The following BCO1 variants were observed in gnomAD, a reference collection of about 807,000 sequenced individuals.
BCO1 encodes the protein beta-carotene oxygenase 1, also known as beta,beta-carotene 15,15'-dioxygenase.
BCO1 carries 54 observed loss-of-function variants against 56.3 expected under a neutral mutation model. The ratio of observed to expected loss-of-function variants is 0.96; its 90% confidence interval spans 0.77 to 1.20. BCO1 has a LOEUF of 1.20. Ranked by LOEUF, BCO1 falls within the 50% of genes most tolerant of loss-of-function variation. The probability of loss-of-function intolerance (pLI) is 0.00; values close to 1 mark genes in which losing one functional copy is unlikely to be tolerated. For missense variants in BCO1, 801 were observed against 690.9 expected, an observed-to-expected ratio of 1.16 and a Z score of -1.79; for synonymous variants, 318 against 266.1, an observed-to-expected ratio of 1.20 and a Z score of -1.90.
At chr16:81,257,846 C>T (rs1273961183) in intron 2 of BCO1, among the ~76,000 whole-genome samples, 8 of 149,242 alleles carry the variant, frequency 5.4e-5, no homozygotes, top group Non-Finnish European at 1.5e-5. Flanking sequence ...CACCATTGCA[C>T]TCCAGCCTGG....
chr16:81,267,791 T>G (rs1327982011), intron 5 of BCO1, 117 bp from the exon 6 acceptor site: 1 of 837,298 alleles, frequency 1.2e-6, no homozygotes, highest in East Asian at 2.6e-5. Flanking sequence ...TACACGTTGC[T>G]GTTTAATGTA....
intron 1 of BCO1, among the ~76,000 whole-genome samples, chr16:81,240,505 A>C (rs1174173415): frequency 6.6e-6 from 1 of 152,126 alleles, no homozygotes; most frequent in Non-Finnish European, 1.5e-5. Flanking sequence ...CAGGAGTTTG[A>C]GACCAGCCTG....
At chr16:81,290,223 A>G in intron 10 of BCO1, 125 bp from the exon 11 acceptor site, 43 of 778,402 alleles carry the variant, frequency 5.5e-5, no homozygotes, top group Non-Finnish European at 7.2e-5. Context: ...AGTGTCTCAA[A>G]TTCACTCCCT....
At chr16:81,274,655 A>T (rs561891080) in intron 7 of BCO1, among the ~76,000 whole-genome samples, 1 of 152,264 alleles carries the variant, frequency 6.6e-6, no homozygotes, top group East Asian at 1.9e-4. Flanking sequence ...CAGGCAGGTG[A>T]TCACCTGAGG....
At chr16:81,249,261 T>A (rs1905633733) in intron 2 of BCO1, among the ~76,000 whole-genome samples, 1 of 151,648 alleles carries the variant, frequency 6.6e-6, no homozygotes. Flanking sequence ...TGGCTAGTTT[T>A]TTTTTCTTTT....
chr16:81,259,661 G>C lies in BCO1; in HGVS notation c.194-15G>C, dbSNP rs1164513355. On this transcript the variant is annotated splice_polypyrimidine_tract_variant and intron_variant, in intron 2 of 10. Coordinates refer to ENST00000258168, the MANE Select transcript of BCO1 (RefSeq NM_017429.3). ...AAGGCGTCAGCCTGAGATTATGCTG[G>C]TTCTTCTCTTGCAGGTGAAGTCTAT... is the stretch of plus-strand genomic sequence containing the variant. 1 of 1,614,206 alleles carries C rather than the reference G, an allele frequency of 6.2e-7. No homozygotes were observed. The highest frequency in any genetic ancestry group is 8.5e-7 in the Non-Finnish European group (1 of 1,180,030).
intron 4 of BCO1, 79 bp from the exon 5 acceptor site, chr16:81,264,561 T>C: frequency 5.1e-6 from 8 of 1,555,366 alleles, no homozygotes; most frequent in Non-Finnish European, 7.1e-6. Flanking sequence ...CTTTCTCCTT[T>C]GAAAAACCAG....
At chr16:81,259,631 C>A (rs773901916) in intron 2 of BCO1, 45 bp from the exon 3 acceptor site, 12 of 1,613,890 alleles carry the variant, frequency 7.4e-6, no homozygotes, top group Non-Finnish European at 1.0e-5. Context: ...TTTTAAAGCC[C>A]TGTGAAGGCG....
intron 7 of BCO1, among the ~76,000 whole-genome samples, chr16:81,280,322 C>T (rs7500497): frequency 0.027 from 562 of 20,602 alleles, 9 homozygotes; most frequent in African/African-American, 0.038. Flanking sequence ...CACACACACA[C>T]AGACACACAC....
chr16:81,284,710 C>A (rs888913757), intron 8 of BCO1, among the ~76,000 whole-genome samples: 9 of 152,156 alleles, frequency 5.9e-5, no homozygotes, highest in African/African-American at 1.9e-4. Context: ...GTCTCAAACT[C>A]CTGGCCTCAA....
chr16:81,244,625 G>A (rs1218654003), intron 1 of BCO1, among the ~76,000 whole-genome samples: 5 of 151,848 alleles, frequency 3.3e-5, no homozygotes, highest in Admixed American at 2.0e-4. Context: ...GCCTCCTCTA[G>A]GAAGCTGACC....
intron 8 of BCO1, 61 bp downstream of exon 8, chr16:81,281,023 A>G: frequency 8.2e-7 from 1 of 1,225,558 alleles, no homozygotes; most frequent in Non-Finnish European, 1.2e-6. Flanking sequence ...GGGAGCCCAG[A>G]GGCCTCTTTA....
chr16:81,284,048 C>T lies in BCO1; in HGVS notation c.1208-1492C>T, dbSNP rs1908027427. ...AAAATACAAAAAAAAAAAAAAGTAG[C>T]CGGATGTGGTGGCACGCACCTGTAG... On this transcript the variant is annotated intron_variant, in intron 8 of 10. Transcript: ENST00000258168. Among the ~76,000 whole-genome samples the T allele has an allele frequency of 2.0e-5, 3 of 150,772 alleles. No homozygotes were observed. The Admixed American group carries it at 2.0e-4, about 10-fold the overall frequency.
At chr16:81,268,649 G>C (rs1038701340) in intron 6 of BCO1, among the ~76,000 whole-genome samples, 1 of 152,180 alleles carries the variant, frequency 6.6e-6, no homozygotes, top group Non-Finnish European at 1.5e-5. Context: ...TTGCATGCTT[G>C]TATATGCACA....
intron 1 of BCO1, among the ~76,000 whole-genome samples, chr16:81,239,729 G>A (rs966037422): frequency 6.6e-6 from 1 of 152,196 alleles, no homozygotes; most frequent in African/African-American, 2.4e-5. Flanking sequence ...TCACAGGTGT[G>A]AGCTCCTGCA....
chr16:81,289,976 G>C (rs1908373499), intron 10 of BCO1, among the ~76,000 whole-genome samples: 1 of 152,168 alleles, frequency 6.6e-6, no homozygotes, highest in Non-Finnish European at 1.5e-5. Flanking sequence ...TAATTCTCTG[G>C]CTTCAGTCTA....
At chr16:81,252,693 C>T (rs377583756) in intron 2 of BCO1, among the ~76,000 whole-genome samples, 1 of 152,190 alleles carries the variant, frequency 6.6e-6, no homozygotes. Context: ...TTAAGTGGGC[C>T]TCTGTCTCCA....
chr16:81,270,693 T>TGTGC (rs1907148457), intron 7 of BCO1, among the ~76,000 whole-genome samples: 1 of 480 alleles, frequency 2.1e-3, no homozygotes, highest in Admixed American at 0.018. Context: ...TCTCTGTGTC[T>TGTGC]GTGTGTGTGT....
At chr16:81,259,455 T>C (rs1480462285) in intron 2 of BCO1, among the ~76,000 whole-genome samples, 2 of 152,106 alleles carry the variant, frequency 1.3e-5, no homozygotes, top group Non-Finnish European at 2.9e-5. Context: ...GATCGCACCA[T>C]TATATTCCAG....
Sources: gnomAD v4.1 joint callset for allele counts (sites outside exome capture counted in the v4.1 genomes callset) on GRCh38, gnomAD v4.1.1 for gene constraint, MANE v1.5 for transcripts, NCBI Gene and HGNC (gene_info 2026-07-23, HGNC 2026-07-21) for gene names.